The following NEGR1 variants were observed in gnomAD, a reference collection of about 807,000 sequenced individuals.
NEGR1 encodes neuronal growth regulator 1, also known as IgLON family member 4.
Under a neutral mutation model 40.9 loss-of-function variants are expected in NEGR1, and 10 were observed. The observed-to-expected ratio is 0.24, with a 90% CI of 0.15 to 0.42. The LOEUF (loss-of-function observed/expected upper bound fraction) is 0.42, where lower values mean the gene tolerates loss of function less well. Among genes scored for constraint, NEGR1 ranks in the 10% least tolerant of loss-of-function variants. The pLI is 1.00. For synonymous variants in NEGR1, 185 were observed against 166.8 expected (o/e 1.11, Z -0.84); for missense variants, 352 against 438.9 (o/e 0.80, Z 1.77).
chr1:71,622,711 T>C (rs1322420328), intron 4 of NEGR1, among the ~76,000 whole-genome samples: 1 of 151,800 alleles, frequency 6.6e-6, no homozygotes, highest in Non-Finnish European at 1.5e-5. Context: ...ATAGGTGAAG[T>C]CAATCAATTG....
At chr1:71,960,048 A>G (rs1646151670) in intron 1 of NEGR1, among the ~76,000 whole-genome samples, 2 of 152,134 alleles carry the variant, frequency 1.3e-5, no homozygotes, top group Non-Finnish European at 2.9e-5. Context: ...CAAATTAAAA[A>G]CTTTCATAGG....
chr1:71,449,020 A>G (rs1646604729), intron 6 of NEGR1, among the ~76,000 whole-genome samples: 1 of 152,176 alleles, frequency 6.6e-6, no homozygotes, highest in African/African-American at 2.4e-5. Context: ...ATGAGAGCAC[A>G]TTGCTTTCAT....
Position 71,669,331 on chromosome 1 carries a change from T to C in NEGR1, c.667+28677A>G, listed in dbSNP as rs1570175691. ...ATATTCTATTTACTTTTAATGTATA[T>C]AATAAAATGTTTGGGTATATAGCTA... On this transcript the variant is annotated intron_variant, in intron 4 of 6. Coordinates refer to ENST00000357731, the MANE Select transcript of NEGR1 (RefSeq NM_173808.3). 5.9e-5 allele frequency among the ~76,000 whole-genome samples: 9 copies of C among 152,168 alleles called. 1 individual carries two copies. In the South Asian group the frequency reaches 1.9e-3, roughly 32 times the overall value.
intron 6 of NEGR1, among the ~76,000 whole-genome samples, chr1:71,542,751 G>A (rs1164669788): frequency 6.6e-6 from 1 of 151,688 alleles, no homozygotes; most frequent in Non-Finnish European, 1.5e-5. Context: ...GCCAGGGCAG[G>A]TGGTATCATA....
chr1:71,757,115 T>A (rs1655772371), intron 3 of NEGR1, among the ~76,000 whole-genome samples: 1 of 152,126 alleles, frequency 6.6e-6, no homozygotes, highest in South Asian at 2.1e-4. Flanking sequence ...GTGCAATAAA[T>A]GTTGCATTTT....
At chr1:71,639,404 G>T (rs1347814930) in intron 4 of NEGR1, among the ~76,000 whole-genome samples, 1 of 151,978 alleles carries the variant, frequency 6.6e-6, no homozygotes, top group African/African-American at 2.4e-5. Context: ...CATCACAAAG[G>T]TTTGCTGCTC....
Position 71,404,989 on chromosome 1 carries a change from CTGTCCGAGGGCCTAAGGACTAG to C in NEGR1, c.*2435_*2456del, listed in dbSNP as rs1345305113. Reference sequence around the variant, plus strand: ...ACTCATAAATACTCATGATTTCACTCTGTCCGAGGGCCTAAGGACTAGGAATGCTGCTGTGATACAGAAAAAC... The same window carrying C: ...ACTCATAAATACTCATGATTTCACTCGAATGCTGCTGTGATACAGAAAAAC... On this transcript the variant is annotated 3_prime_UTR_variant, in exon 7 of 7. Coordinates refer to ENST00000357731, the MANE Select transcript of NEGR1 (RefSeq NM_173808.3). 3.3e-5 allele frequency: 5 copies of C among 152,340 alleles called. No homozygotes were observed. In the East Asian group the frequency reaches 9.7e-4, roughly 29 times the overall value. The allele number at this position is 152,340 out of a possible 1,614,324, so 9.4% of individuals were successfully genotyped here. A position where few individuals can be genotyped will look rare whatever the true frequency, so the allele number is the denominator to read the frequency against.
chr1:72,177,105 T>C (rs1334758748), intron 1 of NEGR1, among the ~76,000 whole-genome samples: 1 of 152,230 alleles, frequency 6.6e-6, no homozygotes, highest in East Asian at 1.9e-4. Flanking sequence ...CTATTATTTG[T>C]CAGAAATCGA....
At chr1:72,229,616 G>T (rs1654296356) in intron 1 of NEGR1, among the ~76,000 whole-genome samples, 1 of 151,040 alleles carries the variant, frequency 6.6e-6, no homozygotes, top group Non-Finnish European at 1.5e-5. Context: ...AAGTCCTTGA[G>T]TGTCATGCTT....
At chr1:71,632,096 A>G (rs1650987951) in intron 4 of NEGR1, among the ~76,000 whole-genome samples, 1 of 151,758 alleles carries the variant, frequency 6.6e-6, no homozygotes, top group Admixed American at 6.6e-5. Context: ...CAAACTCTTG[A>G]AAATGAGGTG....
chr1:71,565,147 C>G (rs1308176640), intron 6 of NEGR1, among the ~76,000 whole-genome samples: 1 of 152,104 alleles, frequency 6.6e-6, no homozygotes, highest in South Asian at 2.1e-4. Context: ...CCTGGTGGTT[C>G]CTCGTAGGAA....
chr1:71,671,273 G>A (rs1652420936), intron 4 of NEGR1, among the ~76,000 whole-genome samples: 2 of 152,074 alleles, frequency 1.3e-5, no homozygotes, highest in South Asian at 4.1e-4. Flanking sequence ...GCAGTAGAGG[G>A]CTAACTCACT....
At chr1:71,549,048 G>A (rs1647991573) in intron 6 of NEGR1, among the ~76,000 whole-genome samples, 2 of 151,624 alleles carry the variant, frequency 1.3e-5, no homozygotes, top group African/African-American at 4.8e-5. Context: ...TATCCTTCTG[G>A]ACACCAGAGC....
chr1:71,499,475 T>C (rs1468449475), intron 6 of NEGR1, among the ~76,000 whole-genome samples: 4 of 148,026 alleles, frequency 2.7e-5, no homozygotes, highest in Non-Finnish European at 6.0e-5. Context: ...GTATATATTG[T>C]ATATAATATG....
intron 1 of NEGR1, among the ~76,000 whole-genome samples, chr1:71,946,036 A>G (rs759141542): frequency 6.6e-6 from 1 of 151,862 alleles, no homozygotes; most frequent in Non-Finnish European, 1.5e-5. Flanking sequence ...AGGGTTACCA[A>G]TTCTATTCGT....
intron 3 of NEGR1, among the ~76,000 whole-genome samples, chr1:71,731,270 C>A (rs902581855): frequency 6.6e-6 from 1 of 152,076 alleles, no homozygotes; most frequent in Admixed American, 6.5e-5. Flanking sequence ...TAGAATAATA[C>A]GTAGAAATCA....
intron 1 of NEGR1, among the ~76,000 whole-genome samples, chr1:72,147,394 T>C (rs1015539338): frequency 3.9e-5 from 6 of 152,030 alleles, no homozygotes; most frequent in African/African-American, 1.4e-4. Flanking sequence ...TAAGACTTAT[T>C]CACTATCACA....
At chr1:72,132,067 C>T (rs1650276176) in intron 1 of NEGR1, among the ~76,000 whole-genome samples, 1 of 151,816 alleles carries the variant, frequency 6.6e-6, no homozygotes, top group African/African-American at 2.4e-5. Flanking sequence ...CCACTGTACT[C>T]CAGCCTCGGT....
intron 2 of NEGR1, among the ~76,000 whole-genome samples, chr1:71,787,436 T>C (rs147384001): frequency 6.6e-6 from 1 of 152,288 alleles, no homozygotes; most frequent in African/African-American, 2.4e-5. Context: ...AAAGTATACA[T>C]ACATATTGTG....
Sources: gnomAD v4.1 joint callset for allele counts (sites outside exome capture counted in the v4.1 genomes callset) on GRCh38, gnomAD v4.1.1 for gene constraint, MANE v1.5 for transcripts, NCBI Gene and HGNC (gene_info 2026-07-23, HGNC 2026-07-21) for gene names.